Variants in MAP1LC3B2 observed in about 807,000 individuals in gnomAD.
MAP1LC3B2 encodes the protein microtubule-associated protein 1 light chain 3 beta 2.
For synonymous variants in MAP1LC3B2, 62 were observed against 57.8 expected (o/e 1.07, Z -0.33); for missense variants, 155 against 154.6 (o/e 1.00, Z -0.01).
Position 116,576,181 on chromosome 12 carries a change from T to C in MAP1LC3B2, c.239T>C (p.Phe80Ser), listed in dbSNP as rs1869675510. Reference protein sequence around the residue: ...RLQLNANQAFFLLVNGHSMVS... With the variant: ...RLQLNANQAFSLLVNGHSMVS... Reference sequence around the variant, plus strand: ...CAGCTCAATGCTAATCAGGCCTTCTTCCTGTTGGTGAACGGACACAGCATG... The same window carrying C: ...CAGCTCAATGCTAATCAGGCCTTCTCCCTGTTGGTGAACGGACACAGCATG... Residue 80 changes from phenylalanine (F) to serine (S), a missense_variant, in exon 2 of 2, where the codon TTC becomes TCC. Physicochemically the swap from Phe to Ser is radical, Grantham distance 155. Coordinates refer to ENST00000556529, the MANE Select transcript of MAP1LC3B2 (RefSeq NM_001085481.3). 1 of 1,614,102 alleles carries C rather than the reference T, an allele frequency of 6.2e-7. No individual in the cohort carries two copies. The highest frequency in any genetic ancestry group is 1.7e-5 in the Admixed American group (1 of 59,996).
chr12:116,564,410 C>CT (rs898652907), intron 1 of MAP1LC3B2, among the ~76,000 whole-genome samples: 8 of 150,516 alleles, frequency 5.3e-5, no homozygotes, highest in Admixed American at 1.3e-4. Context: ...TTTTTTAAGG[C>CT]TTTTTTTTAA....
intron 1 of MAP1LC3B2, among the ~76,000 whole-genome samples, chr12:116,575,232 AAAG>A (rs1351234229): frequency 6.6e-6 from 1 of 152,092 alleles, no homozygotes; most frequent in Admixed American, 6.6e-5. Flanking sequence ...TTAAAAAAAT[AAAG>A]AAGAAAAAAA....
At chr12:116,567,857 C>A (rs558806026) in intron 1 of MAP1LC3B2, among the ~76,000 whole-genome samples, 1 of 152,188 alleles carries the variant, frequency 6.6e-6, no homozygotes, top group South Asian at 2.1e-4. Flanking sequence ...ATGACAGACT[C>A]ATTTTATAGA....
In MAP1LC3B2 at chr12:116,571,892, GT is replaced by G. The variant is rs1375306709; in HGVS notation, c.-101-3939del. 8.9e-3 allele frequency among the ~76,000 whole-genome samples: 1,102 copies of G among 123,400 alleles called. 12 individuals carry two copies. Among genetic ancestry groups the G allele is most frequent in the African/African-American group, 0.031 (1,026 of 33,502 alleles). 81.0% of individuals were successfully genotyped at this position (123,400 alleles called of 152,430 possible). A position where few individuals can be genotyped will look rare whatever the true frequency, so the allele number is the denominator to read the frequency against. On this transcript the variant is annotated intron_variant, in intron 1 of 1. Coordinates refer to ENST00000556529, the MANE Select transcript of MAP1LC3B2 (RefSeq NM_001085481.3). ...GAAGTTCCTGCTTAAAGCAACTGTT[GT>G]TTTTTTTTTTAATGGTCATAGCTGT... is the stretch of plus-strand genomic sequence containing the variant.
At position 116,575,899 on chromosome 12, in the gene MAP1LC3B2, C is replaced by A; in HGVS notation, c.-44C>A. 5 of 1,612,488 alleles carry A rather than the reference C, an allele frequency of 3.1e-6. No homozygotes were observed. The highest frequency in any genetic ancestry group is 1.1e-5 in the South Asian group (1 of 90,986). On this transcript the variant is annotated 5_prime_UTR_variant, in exon 2 of 2. Transcript: ENST00000556529. Reference sequence around the variant, plus strand: ...AGCAGCCGCCACCCCCAGGAGCCGCCGGGACCCTCGCGTCGTCGCCGCCGC... The same window carrying A: ...AGCAGCCGCCACCCCCAGGAGCCGCAGGGACCCTCGCGTCGTCGCCGCCGC...
intron 1 of MAP1LC3B2, among the ~76,000 whole-genome samples, chr12:116,572,774 T>C (rs1369406873): frequency 6.6e-6 from 1 of 152,250 alleles, no homozygotes; most frequent in Non-Finnish European, 1.5e-5. Context: ...AATCGGTGAT[T>C]AAGTACATAG....
chr12:116,570,188 C>T (rs540884496), intron 1 of MAP1LC3B2, among the ~76,000 whole-genome samples: 1 of 152,326 alleles, frequency 6.6e-6, no homozygotes, highest in South Asian at 2.1e-4. Context: ...GGGTTGCATA[C>T]AGATGATCCT....
At chr12:116,568,831 A>G (rs1005481869) in intron 1 of MAP1LC3B2, among the ~76,000 whole-genome samples, 10 of 151,672 alleles carry the variant, frequency 6.6e-5, no homozygotes, top group African/African-American at 2.2e-4. Flanking sequence ...TGGACTTCCC[A>G]GCCTCTAGAA....
chr12:116,571,285 T>C (rs1869523318), intron 1 of MAP1LC3B2, among the ~76,000 whole-genome samples: 1 of 152,070 alleles, frequency 6.6e-6, no homozygotes, highest in Non-Finnish European at 1.5e-5. Flanking sequence ...ACTAGCATTT[T>C]AAAGGCTCTG....
intron 1 of MAP1LC3B2, among the ~76,000 whole-genome samples, chr12:116,563,270 T>G (rs1166478778): frequency 1.3e-5 from 2 of 152,196 alleles, no homozygotes; most frequent in African/African-American, 4.8e-5. Context: ...AGAACTTCTT[T>G]TAATATTTCA....
chr12:116,561,136 A>G (rs893486757), intron 1 of MAP1LC3B2, among the ~76,000 whole-genome samples: 2 of 151,964 alleles, frequency 1.3e-5, no homozygotes, highest in Non-Finnish European at 2.9e-5. Context: ...GCTGTGGGGG[A>G]CAGTGGTGTG....
intron 1 of MAP1LC3B2, chr12:116,560,226 A>ATATGTATGTATATGTG (rs1869230856): frequency 9.9e-6 from 1 of 101,134 alleles, no homozygotes; most frequent in African/African-American, 4.0e-5. Context: ...ATATATATAT[A>ATATGTATGTATATGTG]TATATATATA....
chr12:116,570,365 C>T (rs563433242), intron 1 of MAP1LC3B2, among the ~76,000 whole-genome samples: 1 of 152,166 alleles, frequency 6.6e-6, no homozygotes, highest in Non-Finnish European at 1.5e-5. Context: ...ATAAAATAGG[C>T]TTTGTGTTAG....
chr12:116,564,505 A>G (rs890003621), intron 1 of MAP1LC3B2, among the ~76,000 whole-genome samples: 1 of 152,044 alleles, frequency 6.6e-6, no homozygotes, highest in East Asian at 1.9e-4. Context: ...AGTGGTCTCT[A>G]ATGAATGCCT....
In MAP1LC3B2 at chr12:116,576,029, C is replaced by T. The variant is rs539169146; in HGVS notation, c.87C>T (p.Thr29=). 13 of 1,614,082 alleles carry T rather than the reference C, an allele frequency of 8.1e-6. No homozygotes were observed. In the African/African-American group the frequency reaches 1.7e-4, roughly 22 times the overall value. ...GACTTATTCGAGAGCAGCATCCAACCAAAATCCCGGTGATAATAGAACGAT... is the reference window on the plus strand; with the variant it reads ...GACTTATTCGAGAGCAGCATCCAACTAAAATCCCGGTGATAATAGAACGAT... ...DVRLIREQHP[T]KIPVIIERYK... The change falls in exon 2 of 2, where the codon ACC becomes ACT. Residue 29 remains threonine (T), a synonymous_variant. Coordinates refer to ENST00000556529, the MANE Select transcript of MAP1LC3B2 (RefSeq NM_001085481.3).
intron 1 of MAP1LC3B2, among the ~76,000 whole-genome samples, chr12:116,568,244 A>G (rs999597986): frequency 2.6e-5 from 4 of 152,214 alleles, no homozygotes; most frequent in Non-Finnish European, 1.5e-5. Flanking sequence ...TTTTCTCAAA[A>G]AAAAGAATGC....
chr12:116,571,446 G>A lies in MAP1LC3B2; in HGVS notation c.-101-4396G>A, dbSNP rs540447181. ...TTCTCGTGAGAATAGATGGGAGTAA[G>A]GGACTGCTGTTCTTTTTTTTTTTTT... On this transcript the variant is annotated intron_variant, in intron 1 of 1. Coordinates refer to ENST00000556529, the MANE Select transcript of MAP1LC3B2 (RefSeq NM_001085481.3). Among the ~76,000 whole-genome samples the A allele has an allele frequency of 5.7e-5, 8 of 140,110 alleles. No homozygotes were observed. In the East Asian group the frequency reaches 1.7e-3, roughly 31 times the overall value. 91.9% of individuals were successfully genotyped at this position (140,110 alleles called of 152,430 possible). A position where few individuals can be genotyped will look rare whatever the true frequency, so the allele number is the denominator to read the frequency against.
chr12:116,559,596 C>A (rs1869198369), intron 1 of MAP1LC3B2, among the ~76,000 whole-genome samples, 163 bp downstream of exon 1: 1 of 152,200 alleles, frequency 6.6e-6, no homozygotes, highest in Non-Finnish European at 1.5e-5. Context: ...ACTAGTCAGA[C>A]CTGTGGGAAA....
chr12:116,559,508 T>A (rs12230564), intron 1 of MAP1LC3B2, 75 bp downstream of exon 1: 27,826 of 152,204 alleles, frequency 0.18, 2,671 homozygotes, highest in South Asian at 0.24. Flanking sequence ...CTGCACGGCA[T>A]AGATACTCAG....
Sources: allele counts gnomAD v4.1 joint callset (sites outside exome capture counted in the v4.1 genomes callset), GRCh38; gene constraint gnomAD v4.1.1; transcripts MANE v1.5; gene names NCBI Gene and HGNC (gene_info 2026-07-23, HGNC 2026-07-21).